HPSE2: variants seen among roughly 807,000 people sequenced by gnomAD.
HPSE2 encodes heparanase 2 (inactive), also known as inactive heparanase-2.
Under a neutral mutation model 60.5 loss-of-function variants are expected in HPSE2, and 38 were observed. The observed-to-expected ratio is 0.63, with a 90% CI of 0.48 to 0.82. The LOEUF (loss-of-function observed/expected upper bound fraction) is 0.82, where lower values mean the gene tolerates loss of function less well. Among genes scored for constraint, HPSE2 ranks in the 40% least tolerant of loss-of-function variants. The probability of loss-of-function intolerance (pLI) is 0.00; values close to 1 mark genes in which losing one functional copy is unlikely to be tolerated. For synonymous variants in HPSE2, 295 were observed against 293.2 expected (o/e 1.01, Z -0.06); for missense variants, 713 against 740.4 (o/e 0.96, Z 0.43).
At chr10:98,492,150 T>A (rs1024128588) in intron 9 of HPSE2, among the ~76,000 whole-genome samples, 1 of 152,202 alleles carries the variant, frequency 6.6e-6, no homozygotes, top group Non-Finnish European at 1.5e-5. Flanking sequence ...ATTACCTTTG[T>A]GTCGTAGCAA....
chr10:98,987,482 T>G (rs1207635579), intron 3 of HPSE2, among the ~76,000 whole-genome samples: 2 of 152,176 alleles, frequency 1.3e-5, no homozygotes, highest in Non-Finnish European at 2.9e-5. Context: ...TAGGTATCGA[T>G]GGGACATATC....
intron 9 of HPSE2, among the ~76,000 whole-genome samples, chr10:98,525,621 G>A (rs1253490818): frequency 6.6e-6 from 1 of 152,196 alleles, no homozygotes; most frequent in Admixed American, 6.5e-5. Flanking sequence ...TTTGATGGGT[G>A]AGACCCACAA....
rs377058803 is a variant in HPSE2, at chr10:99,188,258, T to C, written c.449-43859A>G. ...CCCAACTATAATGACAGAAAGCAGA[T>C]CAGTAGTTCCTAGGGTGAGTGGGGT... is the stretch of plus-strand genomic sequence containing the variant. On this transcript the variant is annotated intron_variant, in intron 2 of 11. Coordinates refer to ENST00000370552, the MANE Select transcript of HPSE2 (RefSeq NM_021828.5). 2.0e-3 allele frequency among the ~76,000 whole-genome samples: 304 copies of C among 152,206 alleles called. 18 individuals are homozygous for C. The South Asian group carries it at 0.061, about 31-fold the overall frequency.
In HPSE2 at chr10:98,989,618, C is replaced by A. The variant is rs1956471915; in HGVS notation, c.610+154620G>T. Among the ~76,000 whole-genome samples the A allele has an allele frequency of 2.0e-5, 3 of 149,898 alleles. No individual in the cohort carries two copies. In the South Asian group the frequency reaches 6.4e-4, roughly 32 times the overall value. On this transcript the variant is annotated intron_variant, in intron 3 of 11. Coordinates refer to ENST00000370552, the MANE Select transcript of HPSE2 (RefSeq NM_021828.5). ...ATATGTAACAAACCTGCACGGTGTG[C>A]ACATGTACCCTAATACTTAAAGTAT... is the stretch of plus-strand genomic sequence containing the variant.
At chr10:99,181,202 T>C (rs1348401563) in intron 2 of HPSE2, among the ~76,000 whole-genome samples, 1 of 150,146 alleles carries the variant, frequency 6.7e-6, no homozygotes, top group African/African-American at 2.4e-5. Context: ...ATTGAGACCA[T>C]CCCGGCTAAA....
chr10:98,959,358 GAAAAA>G (rs540992148), intron 3 of HPSE2, among the ~76,000 whole-genome samples: 1 of 77,460 alleles, frequency 1.3e-5, no homozygotes, highest in African/African-American at 3.9e-5. Flanking sequence ...ACTATCTCTG[GAAAAA>G]AAAAAAAAAA....
At chr10:99,054,040 G>C (rs549172453) in intron 3 of HPSE2, among the ~76,000 whole-genome samples, 2 of 152,078 alleles carry the variant, frequency 1.3e-5, no homozygotes, top group East Asian at 1.9e-4. Context: ...CTGGTCAAGA[G>C]TTGCAGTCTT....
At position 98,509,377 on chromosome 10, in the gene HPSE2, T is replaced by C. The variant is rs148584447; in HGVS notation, c.1321-19181A>G. On this transcript the variant is annotated intron_variant, in intron 9 of 11. Transcript: ENST00000370552. ...GGTTAGTTTAGATGAAAGATGATAGTTTTGATTAAAGTGAGAAAGTTAACT... is the reference window on the plus strand; with the variant it reads ...GGTTAGTTTAGATGAAAGATGATAGCTTTGATTAAAGTGAGAAAGTTAACT... 5.8e-3 allele frequency among the ~76,000 whole-genome samples: 876 copies of C among 152,130 alleles called. 10 individuals are homozygous for C. The highest frequency in any genetic ancestry group is 0.02 in the African/African-American group (824 of 41,504).
chr10:98,910,133 TG>T (rs1953939427), intron 3 of HPSE2, among the ~76,000 whole-genome samples: 2 of 152,222 alleles, frequency 1.3e-5, no homozygotes, highest in South Asian at 4.1e-4. Context: ...ATGGTGCTAC[TG>T]GGAAGGGCAC....
chr10:99,013,997 CT>C, intron 3 of HPSE2: 1 of 345,594 alleles, frequency 2.9e-6, no homozygotes, highest in African/African-American at 2.2e-5. Context: ...ACCGCCTGGC[CT>C]CCCTGGCTCA....
chr10:99,153,437 C>T (rs1309780015), intron 2 of HPSE2, among the ~76,000 whole-genome samples: 1 of 152,204 alleles, frequency 6.6e-6, no homozygotes, highest in South Asian at 2.1e-4. Context: ...CAAGTGGGTC[C>T]CTGACCCCTG....
chr10:98,570,193 C>T (rs1024789638), intron 9 of HPSE2, among the ~76,000 whole-genome samples: 1 of 152,186 alleles, frequency 6.6e-6, no homozygotes, highest in African/African-American at 2.4e-5. Flanking sequence ...CTGAACATTC[C>T]TTCTCCTTGA....
chr10:99,126,501 C>G lies in HPSE2; in HGVS notation c.610+17737G>C, dbSNP rs975349938. Among the ~76,000 whole-genome samples, 2 of 152,110 alleles carry G rather than the reference C, an allele frequency of 1.3e-5. No individual in the cohort carries two copies. The highest frequency in any genetic ancestry group is 2.9e-5 in the Non-Finnish European group (2 of 68,018). On this transcript the variant is annotated intron_variant, in intron 3 of 11. Coordinates refer to ENST00000370552, the MANE Select transcript of HPSE2 (RefSeq NM_021828.5). The surrounding 1 kb of genome is among the most constrained non-coding windows in gnomAD (Gnocchi z 4.0). ...CCTTACTACTGTTGCAGCTGGTGCT[C>G]TCTTGAAAGTGCCACCTTCTGGCTG...
chr10:98,958,820 C>G (rs568651739), intron 3 of HPSE2, among the ~76,000 whole-genome samples: 1 of 152,160 alleles, frequency 6.6e-6, no homozygotes, highest in South Asian at 2.1e-4. Flanking sequence ...TATAGTATTT[C>G]TACTGGATTA....
intron 9 of HPSE2, among the ~76,000 whole-genome samples, chr10:98,542,025 G>T (rs542957778): frequency 0.05 from 2,314 of 46,068 alleles, 30 homozygotes; most frequent in Middle Eastern, 0.085. Flanking sequence ...CCTCAAGTGG[G>T]TCCCTGACCC....
intron 4 of HPSE2, among the ~76,000 whole-genome samples, chr10:98,726,383 G>A (rs987773082): frequency 4.7e-5 from 7 of 150,432 alleles, no homozygotes; most frequent in African/African-American, 1.5e-4. Context: ...ACTATGACAA[G>A]GACAAAAAAC....
intron 8 of HPSE2, 51 bp from the exon 9 acceptor site, chr10:98,615,069 T>C (rs1945869257): frequency 7.6e-7 from 1 of 1,315,234 alleles, no homozygotes; most frequent in Admixed American, 1.7e-5. Flanking sequence ...AAATGGCATA[T>C]AACAAGCTCT....
chr10:99,280,008 G>A, the HPSE2 span, among the ~76,000 whole-genome samples: 1 of 152,192 alleles, frequency 6.6e-6, no homozygotes, highest in South Asian at 2.1e-4. Flanking sequence ...ATGAGATAGA[G>A]TGGGGCTATG....
chr10:98,892,656 A>G (rs1157245362), intron 3 of HPSE2, among the ~76,000 whole-genome samples: 1 of 152,200 alleles, frequency 6.6e-6, no homozygotes, highest in Non-Finnish European at 1.5e-5. Flanking sequence ...TTCATTCTCA[A>G]CTTCCAAAAA....
Sources: allele counts gnomAD v4.1 joint callset (sites outside exome capture counted in the v4.1 genomes callset), GRCh38; gene constraint gnomAD v4.1.1; non-coding constraint Gnocchi (gnomAD v3.1); transcripts MANE v1.5; gene names NCBI Gene and HGNC (gene_info 2026-07-23, HGNC 2026-07-21).